The following AKAP6 variants were observed in gnomAD, a reference collection of about 807,000 sequenced individuals.
The protein encoded by AKAP6 is A-kinase anchor protein 6.
Under a neutral mutation model 188.5 loss-of-function variants are expected in AKAP6, and 58 were observed. That is an observed-to-expected ratio of 0.31 (90% CI 0.25 to 0.38). The LOEUF (loss-of-function observed/expected upper bound fraction) is 0.38, where lower values mean the gene tolerates loss of function less well. AKAP6 is among the 10% of genes least tolerant of loss of function. The probability of loss-of-function intolerance (pLI) is 1.00; values close to 1 mark genes in which losing one functional copy is unlikely to be tolerated. For missense variants in AKAP6, 2,710 were observed against 2,740.0 expected (o/e 0.99, Z 0.24); for synonymous variants, 989 against 998.6 (o/e 0.99, Z 0.18).
intron 1 of AKAP6, among the ~76,000 whole-genome samples, chr14:32,366,176 G>A (rs544813513): frequency 1.3e-5 from 2 of 152,134 alleles, no homozygotes; most frequent in South Asian, 4.2e-4. Context: ...TCCATGAAGA[G>A]AGCCACCTGT....
chr14:32,664,142 T>C lies in AKAP6; in HGVS notation c.2731-14169T>C, dbSNP rs141813105. Among the ~76,000 whole-genome samples the C allele has an allele frequency of 3.3e-5, 5 of 151,660 alleles. No homozygotes were observed. In the East Asian group the frequency reaches 9.8e-4, roughly 30 times the overall value. ...CAATATGCCTAGTGGATAGGAACCA[T>C]GACATTGAAGAGGAAAAAAAATGTA... is the stretch of plus-strand genomic sequence containing the variant. On this transcript the variant is annotated intron_variant, in intron 7 of 13. Coordinates refer to ENST00000280979, the MANE Select transcript of AKAP6 (RefSeq NM_004274.5).
chr14:32,693,842 A>G (rs1248692380), intron 8 of AKAP6: 1 of 152,168 alleles, frequency 6.6e-6, no homozygotes, highest in Non-Finnish European at 1.5e-5. Flanking sequence ...GCAAGGAGAG[A>G]GAAATAGGGA....
chr14:32,617,606 A>G (rs532867095), intron 7 of AKAP6, among the ~76,000 whole-genome samples: 3 of 152,066 alleles, frequency 2.0e-5, no homozygotes, highest in Admixed American at 2.0e-4. Flanking sequence ...CAAAACCCTT[A>G]AATTACGTGT....
intron 11 of AKAP6, among the ~76,000 whole-genome samples, chr14:32,750,782 A>G (rs12880865): frequency 0.62 from 88,952 of 143,766 alleles, 30,539 homozygotes; most frequent in Non-Finnish European, 0.76. Flanking sequence ...TCACTCTGTC[A>G]CCCACGCTGG....
intron 1 of AKAP6, among the ~76,000 whole-genome samples, chr14:32,365,723 T>C (rs1887810842): frequency 6.6e-6 from 1 of 152,072 alleles, no homozygotes; most frequent in Admixed American, 6.6e-5. Flanking sequence ...CAGTCCAAAC[T>C]TTGCCTCAAA....
chr14:32,685,959 A>G (rs1889907885), intron 8 of AKAP6, among the ~76,000 whole-genome samples: 1 of 152,208 alleles, frequency 6.6e-6, no homozygotes, highest in South Asian at 2.1e-4. Flanking sequence ...AAGACAGGAA[A>G]TCAGTATATG....
chr14:32,489,365 C>T (rs925017810), intron 2 of AKAP6, among the ~76,000 whole-genome samples: 9 of 152,116 alleles, frequency 5.9e-5, no homozygotes, highest in South Asian at 2.1e-4. Context: ...GATGCCACCA[C>T]GTCTAGCTAA....
intron 1 of AKAP6, among the ~76,000 whole-genome samples, chr14:32,348,481 C>T (rs1887152274): frequency 1.4e-5 from 2 of 144,594 alleles, no homozygotes; most frequent in Non-Finnish European, 3.0e-5. Flanking sequence ...ATGACACAAT[C>T]CCAGCCCACT....
intron 12 of AKAP6, among the ~76,000 whole-genome samples, chr14:32,809,184 G>A (rs1462864889): frequency 2.0e-5 from 3 of 152,174 alleles, no homozygotes; most frequent in African/African-American, 7.2e-5. Flanking sequence ...GAAAGTAGGT[G>A]AAATAAAACA....
chr14:32,386,623 A>G (rs1319264900), intron 1 of AKAP6, among the ~76,000 whole-genome samples: 2 of 151,878 alleles, frequency 1.3e-5, no homozygotes, highest in African/African-American at 4.8e-5. Flanking sequence ...AGTCCCAGCT[A>G]TTTATCTTTG....
chr14:32,819,961 T>TAC (rs2034478577), intron 12 of AKAP6, among the ~76,000 whole-genome samples: 1 of 151,498 alleles, frequency 6.6e-6, no homozygotes, highest in Non-Finnish European at 1.5e-5. Context: ...AAGAAATACA[T>TAC]ATATATATAT....
intron 13 of AKAP6, among the ~76,000 whole-genome samples, chr14:32,827,803 A>G (rs915916013): frequency 2.0e-5 from 3 of 152,178 alleles, no homozygotes; most frequent in African/African-American, 7.2e-5. Context: ...TTTCTTCATA[A>G]TCCTCATCAT....
At chr14:32,444,400 C>A (rs1190383143) in intron 2 of AKAP6, among the ~76,000 whole-genome samples, 1 of 152,068 alleles carries the variant, frequency 6.6e-6, no homozygotes, top group Non-Finnish European at 1.5e-5. Context: ...GGTATTAGGG[C>A]TGAGGGTTGT....
At chr14:32,627,951 A>G (rs1378682288) in intron 7 of AKAP6, 1 of 152,132 alleles carries the variant, frequency 6.6e-6, no homozygotes, top group Non-Finnish European at 1.5e-5. Context: ...TACATCTAAA[A>G]TTTCTGCCAA....
chr14:32,504,430 GCCA>G (rs1880762070), intron 2 of AKAP6, among the ~76,000 whole-genome samples: 1 of 151,936 alleles, frequency 6.6e-6, no homozygotes, highest in African/African-American at 2.4e-5. Context: ...ACAGGTGTGT[GCCA>G]CCACACCTGG....
In AKAP6 at chr14:32,821,539, C is replaced by G. The variant is rs1566735036; in HGVS notation, c.3726C>G (p.Leu1242=). 6.2e-7 allele frequency: 1 copy of G among 1,613,684 alleles called. No homozygotes were observed. The highest frequency in any genetic ancestry group is 1.7e-5 in the Admixed American group (1 of 59,892). ...NEESNDLDQE[L]QPVIPSLKLG... ...AATCAAATGACCTTGATCAAGAACTCCAACCTGTTATCCCTTCCTTGAAGC... is the reference window on the plus strand; with the variant it reads ...AATCAAATGACCTTGATCAAGAACTGCAACCTGTTATCCCTTCCTTGAAGC... The change falls in exon 13 of 14, where the codon CTC becomes CTG. Residue 1242 remains leucine (L), a synonymous_variant. Coordinates refer to ENST00000280979, the MANE Select transcript of AKAP6 (RefSeq NM_004274.5).
intron 7 of AKAP6, among the ~76,000 whole-genome samples, chr14:32,649,091 G>A (rs1888102637): frequency 6.6e-6 from 1 of 152,068 alleles, no homozygotes; most frequent in Admixed American, 6.6e-5. Flanking sequence ...CAGTCTTCGG[G>A]TCTCATAGAG....
intron 12 of AKAP6, among the ~76,000 whole-genome samples, chr14:32,789,586 C>A (rs974712211): frequency 1.3e-5 from 2 of 152,164 alleles, no homozygotes; most frequent in Non-Finnish European, 2.9e-5. Context: ...CAGGAAAAAA[C>A]GAGCCAACTA....
chr14:32,685,449 C>T (rs1001475399), intron 8 of AKAP6, among the ~76,000 whole-genome samples: 14 of 151,664 alleles, frequency 9.2e-5, no homozygotes, highest in South Asian at 4.2e-4. Flanking sequence ...TGGCCGGGTG[C>T]GGTGGGATTA....
Sources: allele counts gnomAD v4.1 joint callset (sites outside exome capture counted in the v4.1 genomes callset), GRCh38; gene constraint gnomAD v4.1.1; transcripts MANE v1.5; gene names NCBI Gene and HGNC (gene_info 2026-07-23, HGNC 2026-07-21).